AMY1C: variants seen among roughly 807,000 people sequenced by gnomAD.
AMY1C encodes the protein amylase alpha 1C, also known as alpha-amylase 1C.
AMY1C carries 3 observed loss-of-function variants against 13.4 expected under a neutral mutation model. That is an observed-to-expected ratio of 0.22 (90% confidence interval 0.10 to 0.58). The LOEUF (loss-of-function observed/expected upper bound fraction) is 0.58. Ranked by LOEUF, AMY1C falls within the 20% of genes least tolerant of loss-of-function variation. The probability of loss-of-function intolerance (pLI) is 0.91; values close to 1 mark genes in which losing one functional copy is unlikely to be tolerated. For synonymous variants in AMY1C, 1 was observed against 28.5 expected, an observed-to-expected ratio of 0.04 and a Z score of 3.07; for missense variants, 5 against 96.4, an observed-to-expected ratio of 0.05 and a Z score of 3.97.
chr1:103,754,561 A>G lies in AMY1C; in HGVS notation c.941A>G (p.His314Arg), dbSNP rs369196111. ...SDRALVFVDN[H>R]DNQRGHGAGG... ...AGAGCGCTTGTCTTTGTGGATAACCATGACAATCAACGAGGACATGGCGCT... is the reference window on the plus strand; with the variant it reads ...AGAGCGCTTGTCTTTGTGGATAACCGTGACAATCAACGAGGACATGGCGCT... The change falls in exon 7 of 11, where the codon CAT becomes CGT. Residue 314 changes from histidine to arginine, a missense_variant. Physicochemically the swap from His to Arg is conservative, Grantham distance 29. Coordinates refer to ENST00000622339, the MANE Select transcript of AMY1C (RefSeq NM_001008219.3). 4.6e-6 allele frequency: 7 copies of G among 1,509,328 alleles called. 1 individual carries two copies. The highest frequency in any genetic ancestry group is 1.4e-5 in the African/African-American group (1 of 71,880). 93.5% of individuals were successfully genotyped at this position (1,509,328 alleles called of 1,614,324 possible).
chr1:103,755,866 ACT>A (rs1245455450), intron 8 of AMY1C, among the ~76,000 whole-genome samples: 3 of 136,778 alleles, frequency 2.2e-5, no homozygotes, highest in African/African-American at 7.4e-5. Context: ...TCCTAGGGTT[ACT>A]CTGTGTTTTT....
intron 8 of AMY1C, among the ~76,000 whole-genome samples, chr1:103,756,233 A>G: frequency 1.2e-5 from 1 of 84,262 alleles, no homozygotes; most frequent in Non-Finnish European, 2.8e-5. Flanking sequence ...GCTTACAGTG[A>G]TGTTAAGAAG....
Position 103,754,554 on chromosome 1 carries a change from G to C in AMY1C, c.934G>C (p.Asp312His). The C allele has an allele frequency of 6.7e-7, 1 of 1,501,574 alleles. No homozygotes were observed. Among genetic ancestry groups the C allele is most frequent in the Non-Finnish European group, 9.2e-7 (1 of 1,086,034 alleles). The allele number at this position is 1,501,574 out of a possible 1,614,324, so 93.0% of individuals were successfully genotyped here. The stretch of plus-strand genomic sequence containing the variant: ...TTCTGACAGAGCGCTTGTCTTTGTG[G>C]ATAACCATGACAATCAACGAGGACA... ...MPSDRALVFV[D>H]NHDNQRGHGA... Residue 312 changes from aspartate to histidine, a missense_variant, in exon 7 of 11, where the codon GAT becomes CAT. Physicochemically the swap from Asp to His is moderately conservative, Grantham distance 81 (BLOSUM62 -1). Coordinates refer to ENST00000622339, the MANE Select transcript of AMY1C (RefSeq NM_001008219.3).
Position 103,749,971 on chromosome 1 carries a change from C to G in AMY1C, c.-142C>G. 2 of 38,692 alleles carry G rather than the reference C, an allele frequency of 5.2e-5. No homozygotes were observed. Among genetic ancestry groups the G allele is most frequent in the Non-Finnish European group, 5.5e-5 (1 of 18,294 alleles). 2.4% of individuals were successfully genotyped at this position (38,692 alleles called of 1,614,324 possible). A position where few individuals can be genotyped will look rare whatever the true frequency, so the allele number is the denominator to read the frequency against. On this transcript the variant is annotated 5_prime_UTR_variant, in exon 1 of 11. Transcript: ENST00000622339. ...GTCTGTCAGGGTTGGAAAGTCCAAGCCATAGGACCCAGTTTCCTTTCTTAG... is the reference window on the plus strand; with the variant it reads ...GTCTGTCAGGGTTGGAAAGTCCAAGGCATAGGACCCAGTTTCCTTTCTTAG...
At chr1:103,756,234 TGTTAAGAA>T (rs1189152537) in intron 8 of AMY1C, among the ~76,000 whole-genome samples, 1 of 84,102 alleles carries the variant, frequency 1.2e-5, no homozygotes, top group African/African-American at 3.6e-5. Flanking sequence ...CTTACAGTGA[TGTTAAGAA>T]GCCCTTGCAG....
At chr1:103,750,934 T>C (rs1478220077) in intron 2 of AMY1C, 49 bp from the exon 3 acceptor site, 10 of 1,028 alleles carry the variant, frequency 9.7e-3, no homozygotes, top group Non-Finnish European at 0.011. Flanking sequence ...CATTCAATGA[T>C]ATACAGTAAG....
intron 1 of AMY1C, 122 bp from the exon 2 acceptor site, chr1:103,750,302 T>G (rs1376639727): frequency 1.5e-6 from 1 of 646,324 alleles, no homozygotes; most frequent in East Asian, 4.1e-5. Context: ...CATGAGAGAC[T>G]TTTTGATGTT....
chr1:103,754,682 T>C lies in AMY1C; in HGVS notation c.1002-33T>C, dbSNP rs780670312. 6 of 1,575,574 alleles carry C rather than the reference T, an allele frequency of 3.8e-6. 1 individual carries two copies. The Admixed American group carries it at 5.3e-5, about 14-fold the overall frequency. Reference sequence around the variant, plus strand: ...TTTAATGATGGTATGAATATTGTGATATTCTATGATAATATAATTATGTAA... The same window carrying C: ...TTTAATGATGGTATGAATATTGTGACATTCTATGATAATATAATTATGTAA... On this transcript the variant is annotated intron_variant, in intron 7 of 10. Transcript: ENST00000622339.
At chr1:103,749,800 G>A (rs1570684020), upstream of AMY1C, 4 of 9,152 alleles carry the variant, frequency 4.4e-4, no homozygotes, top group East Asian at 4.9e-3. Context: ...CTAAAAACGT[G>A]CTTGTGGAAG....
At chr1:103,750,129 A>C (rs1653859931) in intron 1 of AMY1C, 63 bp downstream of exon 1, 1 of 93,912 alleles carries the variant, frequency 1.1e-5, no homozygotes. Flanking sequence ...CGATCTTTTA[A>C]GAGTTGACAA....
intron 6 of AMY1C, chr1:103,754,206 A>G (rs1470948256): frequency 1.9e-4 from 2 of 10,612 alleles, no homozygotes; most frequent in Admixed American, 1.3e-3. Context: ...TTAATAACAA[A>G]CATTTTATAT....
Position 103,754,634 on chromosome 1 carries a change from G to C in AMY1C, c.1001+13G>C, listed in dbSNP as rs758925130. 24 of 1,583,618 alleles carry C rather than the reference G, an allele frequency of 1.5e-5. No individual in the cohort carries two copies. In the Admixed American group the frequency reaches 3.7e-4, roughly 25 times the overall value. ...TCTGGGATGCTAGGTAGAAAACCAA[G>C]TTCTCTATTTTTTAACACCTCTTTT... On this transcript the variant is annotated intron_variant, in intron 7 of 10. Coordinates refer to ENST00000622339, the MANE Select transcript of AMY1C (RefSeq NM_001008219.3).
rs1296775173 is a variant in AMY1C, at chr1:103,750,065, C to T, written c.-48C>T. On this transcript the variant is annotated splice_region_variant and 5_prime_UTR_variant, in exon 1 of 11. Transcript: ENST00000622339. ...AGTTGGAAGCGGTTCGCATTTATAC[C>T]GGTAAATGTATTCATCCTTTTAATT... The T allele has an allele frequency of 1.9e-5, 1 of 53,564 alleles. No homozygotes were observed. The highest frequency in any genetic ancestry group is 2.1e-4 in the Admixed American group (1 of 4,774). The allele number at this position is 53,564 out of a possible 1,614,324, so 3.3% of individuals were successfully genotyped here. A position where few individuals can be genotyped will look rare whatever the true frequency, so the allele number is the denominator to read the frequency against.
chr1:103,755,280 G>A (rs1421776664), intron 8 of AMY1C, among the ~76,000 whole-genome samples: 1 of 112,256 alleles, frequency 8.9e-6, no homozygotes, highest in Non-Finnish European at 1.8e-5. Flanking sequence ...GTTCAGCTGA[G>A]TTAAATAGGG....
intron 8 of AMY1C, among the ~76,000 whole-genome samples, chr1:103,756,360 TTG>T (rs1653959320): frequency 1.4e-4 from 1 of 7,234 alleles, no homozygotes; most frequent in Non-Finnish European, 3.2e-4. Context: ...TAGCAAGACC[TTG>T]CCTCTACTGA....
chr1:103,755,886 G>T (rs1476660626), intron 8 of AMY1C, among the ~76,000 whole-genome samples: 1 of 139,566 alleles, frequency 7.2e-6, no homozygotes, highest in African/African-American at 2.5e-5. Context: ...TTTTAATGAA[G>T]ATTTCTTAAA....
Position 103,750,482 on chromosome 1 carries a change from TG to T in AMY1C, c.15del (p.Trp5CysfsTer43), listed in dbSNP as rs1421464143. On this transcript the variant is annotated frameshift_variant, in exon 2 of 11. Coordinates refer to ENST00000622339, the MANE Select transcript of AMY1C (RefSeq NM_001008219.3). LOFTEE classifies it high-confidence loss of function. The stretch of plus-strand genomic sequence containing the variant: ...ACTTCAAAGCAAAATGAAGCTCTTT[TG>T]GTTGCTTTTCACCATTGGGTTCTGC... MKLF[W>X]LLFTIGFCWA... The T allele has an allele frequency of 2.7e-5, 7 of 258,712 alleles. No individual in the cohort carries two copies. The East Asian group carries it at 4.5e-4, about 17-fold the overall frequency. 16.0% of individuals were successfully genotyped at this position (258,712 alleles called of 1,614,324 possible). A position where few individuals can be genotyped will look rare whatever the true frequency, so the allele number is the denominator to read the frequency against.
In AMY1C at chr1:103,750,519, AT is replaced by A. The variant is rs1355004560; in HGVS notation, c.52del (p.Ser18ProfsTer30). On this transcript the variant is annotated frameshift_variant, in exon 2 of 11. Coordinates refer to ENST00000622339, the MANE Select transcript of AMY1C (RefSeq NM_001008219.3). LOFTEE classifies it high-confidence loss of function. ...LFTIGFCWAQ[Y>X]SSNTQQGRTS... ...ACCATTGGGTTCTGCTGGGCTCAGT[AT>A]TCCTCAAATACACAACAAGGACGAA... 1.8e-5 allele frequency: 5 copies of A among 280,160 alleles called. No homozygotes were observed. The highest frequency in any genetic ancestry group is 1.5e-4 in the South Asian group (4 of 26,948). 17.4% of individuals were successfully genotyped at this position (280,160 alleles called of 1,614,324 possible).
At position 103,754,387 on chromosome 1, in the gene AMY1C, G is replaced by T. The variant is rs370041651; in HGVS notation, c.879-112G>T. 3,031 of 694,806 alleles carry T rather than the reference G, an allele frequency of 4.4e-3. 66 individuals carry two copies. The East Asian group carries it at 0.064, about 15-fold the overall frequency. 43.0% of individuals were successfully genotyped at this position (694,806 alleles called of 1,614,324 possible). A position where few individuals can be genotyped will look rare whatever the true frequency, so the allele number is the denominator to read the frequency against. ...CTTACAGAGTAACCATCTAATTAGA[G>T]AAAGAATTTAATCTTCAGATGCCAT... is the stretch of plus-strand genomic sequence containing the variant. On this transcript the variant is annotated intron_variant, in intron 6 of 10. Transcript: ENST00000622339.
Sources: allele counts gnomAD v4.1 joint callset (sites outside exome capture counted in the v4.1 genomes callset), GRCh38; gene constraint gnomAD v4.1.1; transcripts MANE v1.5; gene names NCBI Gene and HGNC (gene_info 2026-07-23, HGNC 2026-07-21).